Variants in MSH3 observed in about 807,000 individuals in gnomAD.
MSH3 encodes DNA mismatch repair protein Msh3.
A neutral mutation model predicts 123.3 loss-of-function variants in MSH3; 106 were observed. The observed-to-expected ratio is 0.86, with a 90% CI of 0.73 to 1.01. MSH3 has a LOEUF of 1.01. Ranked by LOEUF, MSH3 falls within the 50% of genes least tolerant of loss-of-function variation. MSH3 has a pLI of 0.00. For synonymous variants in MSH3, 515 were observed against 481.4 expected, an observed-to-expected ratio of 1.07 and a Z score of -0.91; for missense variants, 1,459 against 1,347.6, an observed-to-expected ratio of 1.08 and a Z score of -1.29.
intron 19 of MSH3, 114 bp from the exon 20 acceptor site, chr5:80,813,470 T>C: frequency 9.1e-7 from 1 of 1,094,552 alleles, no homozygotes; most frequent in Non-Finnish European, 1.4e-6. Context: ...CCTTTTGTGA[T>C]ATTTATGCTA....
intron 6 of MSH3, 150 bp from the exon 7 acceptor site, chr5:80,674,833 G>A (rs569196026): frequency 3.0e-6 from 2 of 658,708 alleles, no homozygotes; most frequent in Admixed American, 2.7e-5. Flanking sequence ...TACCACCTTG[G>A]CCTCCTAAAG....
intron 21 of MSH3, among the ~76,000 whole-genome samples, chr5:80,863,933 C>G (rs933501126): frequency 5.9e-5 from 9 of 152,018 alleles, no homozygotes; most frequent in Admixed American, 4.6e-4. Context: ...GGGTGCCTGG[C>G]TCTTAGTTGA....
In MSH3 at chr5:80,659,233, CAA is replaced by C. The variant is rs34613891; in HGVS notation, c.358+2716_358+2717del. Among the ~76,000 whole-genome samples the C allele has an allele frequency of 6.1e-3, 823 of 135,616 alleles. 4 individuals are homozygous for C. The highest frequency in any genetic ancestry group is 0.019 in the Middle Eastern group (5 of 264). The allele number at this position is 135,616 out of a possible 152,430, so 89.0% of individuals were successfully genotyped here. ...TGGGTGACAGAGTGAGATTCTGTCTCAAAAAAAAAAAAAAAGATACAGTTATG... is the reference window on the plus strand; with the variant it reads ...TGGGTGACAGAGTGAGATTCTGTCTCAAAAAAAAAAAAAGATACAGTTATG... On this transcript the variant is annotated intron_variant, in intron 2 of 23. Coordinates refer to ENST00000265081, the MANE Select transcript of MSH3 (RefSeq NM_002439.5).
intron 20 of MSH3, among the ~76,000 whole-genome samples, chr5:80,843,610 A>C (rs1425459465): frequency 6.6e-6 from 1 of 152,104 alleles, no homozygotes; most frequent in African/African-American, 2.4e-5. Flanking sequence ...CAGAGTTTCA[A>C]CTTCTTCCTG....
chr5:80,786,380 G>A (rs997021119), intron 17 of MSH3, among the ~76,000 whole-genome samples: 10 of 152,080 alleles, frequency 6.6e-5, no homozygotes, highest in African/African-American at 2.4e-4. Context: ...CTACCTTTAT[G>A]GTTGTTGTAA....
In MSH3 at chr5:80,795,879, C is replaced by T. The variant is rs183335252; in HGVS notation, c.2655+3035C>T. Among the ~76,000 whole-genome samples the T allele has an allele frequency of 4.9e-3, 747 of 151,832 alleles. 7 individuals carry two copies. Among genetic ancestry groups the T allele is most frequent in the African/African-American group, 0.01 (424 of 41,400 alleles). The stretch of plus-strand genomic sequence containing the variant: ...CATAAAAATTAGCTGGGCATGGTGG[C>T]GCCTCCCTATGATTCCAGCTACTCA... On this transcript the variant is annotated intron_variant, in intron 19 of 23. Transcript: ENST00000265081.
At chr5:80,790,199 A>G (rs372967028) in intron 18 of MSH3, among the ~76,000 whole-genome samples, 132 of 152,306 alleles carry the variant, frequency 8.7e-4, no homozygotes, top group African/African-American at 3.1e-3. Flanking sequence ...ATCATCGTTT[A>G]TAAGTAAGAA....
At position 80,813,721 on chromosome 5, in the gene MSH3, T is replaced by G; in HGVS notation, c.2793T>G (p.Ile931Met). ...YVPAEEATIGIVDGIFTRMGA... is the reference protein window; with the variant it reads ...YVPAEEATIGMVDGIFTRMGA... ...CTGCAGAAGAAGCGACAATTGGGAT[T>G]GTGGATGGCATTTTCACAAGGTAAG... Residue 931 changes from isoleucine to methionine, a missense_variant, in exon 20 of 24, where the codon ATT (isoleucine) becomes ATG (methionine). Coordinates refer to ENST00000265081, the MANE Select transcript of MSH3 (RefSeq NM_002439.5). 1 of 1,614,154 alleles carries G rather than the reference T, an allele frequency of 6.2e-7. No individual in the cohort carries two copies. Among genetic ancestry groups the G allele is most frequent in the Non-Finnish European group, 8.5e-7 (1 of 1,180,012 alleles).
chr5:80,753,729 G>C (rs1048881351), intron 12 of MSH3, among the ~76,000 whole-genome samples: 16 of 152,040 alleles, frequency 1.1e-4, no homozygotes, highest in Admixed American at 5.2e-4. Context: ...TTCCACATTG[G>C]GGGGTGGGGT....
chr5:80,692,233 A>G (rs759858031), intron 8 of MSH3, among the ~76,000 whole-genome samples: 19 of 53,566 alleles, frequency 3.5e-4, no homozygotes, highest in African/African-American at 1.1e-3. Flanking sequence ...TAGATAGATA[A>G]ACATGTATAT....
intron 15 of MSH3, among the ~76,000 whole-genome samples, chr5:80,773,165 A>T (rs951536432): frequency 6.6e-6 from 1 of 152,154 alleles, no homozygotes; most frequent in African/African-American, 2.4e-5. Flanking sequence ...TGTCCTTCCC[A>T]AATATCAGTG....
chr5:80,844,156 A>G (rs1475142929), intron 20 of MSH3, among the ~76,000 whole-genome samples: 1 of 151,952 alleles, frequency 6.6e-6, no homozygotes, highest in Non-Finnish European at 1.5e-5. Flanking sequence ...TTCATTATGT[A>G]CCCAGTAGTC....
chr5:80,753,466 T>A (rs1580020049), intron 12 of MSH3, among the ~76,000 whole-genome samples: 1 of 152,290 alleles, frequency 6.6e-6, no homozygotes. Context: ...AATATAACCA[T>A]GAACAATTGA....
intron 8 of MSH3, among the ~76,000 whole-genome samples, chr5:80,709,438 T>A (rs185628864): frequency 3.3e-5 from 5 of 152,082 alleles, no homozygotes; most frequent in East Asian, 3.9e-4. Context: ...CTGGCTAACA[T>A]GGTGAAACTC....
rs769830573 is a variant in MSH3 at position 80,670,255 on chromosome 5, A to G, written c.738A>G (p.Ala246=). The change falls in exon 4 of 24, where the codon GCA becomes GCG. Residue 246 remains alanine (A), a synonymous_variant. Transcript: ENST00000265081. The part of the protein sequence containing the change: ...YIEMKQQHKD[A]VLCVECGYKY... ...AAATGAAGCAGCAGCACAAAGATGC[A>G]GTTTTGTGTGTGGAATGTGGATATA... 4 of 1,614,030 alleles carry G rather than the reference A, an allele frequency of 2.5e-6. No individual in the cohort carries two copies.
chr5:80,770,074 T>C (rs907283185), intron 15 of MSH3, among the ~76,000 whole-genome samples: 10 of 152,180 alleles, frequency 6.6e-5, no homozygotes, highest in African/African-American at 9.6e-5. Context: ...TTTATACTTA[T>C]GTTTATTGTC....
chr5:80,656,221 C>G (rs1468649901), intron 1 of MSH3, among the ~76,000 whole-genome samples, 190 bp from the exon 2 acceptor site: 1 of 152,180 alleles, frequency 6.6e-6, no homozygotes, highest in Non-Finnish European at 1.5e-5. Flanking sequence ...GACTATCAGA[C>G]TCTACCTTGT....
chr5:80,777,014 C>T (rs533893601), intron 16 of MSH3, among the ~76,000 whole-genome samples: 42 of 150,860 alleles, frequency 2.8e-4, no homozygotes, highest in South Asian at 2.3e-3. Context: ...CTACTGCAAC[C>T]TCCGCCTCCC....
At chr5:80,693,460 C>CATGCACATGTATATGTTTATATAAAT (rs760425644) in intron 8 of MSH3, among the ~76,000 whole-genome samples, 5,629 of 106,444 alleles carry the variant, frequency 0.053, 264 homozygotes, top group Non-Finnish European at 0.066. Flanking sequence ...GATAAATATA[C>CATGCACATGTATATGTTTATATAAAT]ATGCACATGT....
Sources: allele counts gnomAD v4.1 joint callset (sites outside exome capture counted in the v4.1 genomes callset), GRCh38; gene constraint gnomAD v4.1.1; transcripts MANE v1.5; gene names NCBI Gene and HGNC (gene_info 2026-07-23, HGNC 2026-07-21).